The following CFAP74 variants were observed in gnomAD, a reference collection of about 807,000 sequenced individuals.
CFAP74 encodes cilia- and flagella-associated protein 74.
A neutral mutation model predicts 188.9 loss-of-function variants in CFAP74; 124 were observed. The observed-to-expected ratio is 0.66, with a 90% CI of 0.57 to 0.76. The LOEUF is 0.76. CFAP74 is among the 30% of genes least tolerant of loss of function. The pLI is 0.00. For synonymous variants in CFAP74, 956 were observed against 916.7 expected (o/e 1.04, Z -0.77); for missense variants, 2,198 against 2,165.2 (o/e 1.02, Z -0.30).
At chr1:1,976,116 C>G (rs545428956) in intron 6 of CFAP74, among the ~76,000 whole-genome samples, 140 of 152,336 alleles carry the variant, frequency 9.2e-4, no homozygotes, top group African/African-American at 3.2e-3. Context: ...AGCCCTTTTA[C>G]GAGGCACTAA....
In CFAP74 at chr1:1,924,528, G is replaced by C. The variant is rs550467777; in HGVS notation, c.4105-8C>G. 1.9e-6 allele frequency: 3 copies of C among 1,599,764 alleles called. No individual in the cohort carries two copies. The highest frequency in any genetic ancestry group is 2.7e-5 in the African/African-American group (2 of 74,422). ...CAGAGAGTTGTTCTGCAGCTGCAGA[G>C]AGCAGGCCGCGGTCACTGCCCGCCA... On this transcript the variant is annotated splice_polypyrimidine_tract_variant and splice_region_variant and intron_variant, in intron 33 of 38. Transcript: ENST00000682832.
chr1:1,944,564 A>C (rs1288969970), intron 20 of CFAP74, 112 bp from the exon 21 acceptor site: 2 of 1,130,964 alleles, frequency 1.8e-6, no homozygotes, highest in Non-Finnish European at 2.5e-6. Flanking sequence ...TGAGTTTTCT[A>C]ACTCTTTGGG....
rs770666084 is a variant in CFAP74 at position 1,973,070 on chromosome 1, G to A, written c.675-23C>T. On this transcript the variant is annotated intron_variant, in intron 7 of 38. Transcript: ENST00000682832. The surrounding 1 kb of genome is among the most constrained non-coding windows in gnomAD (Gnocchi z 6.2). ...TTCCTGTGGGGATATGGGGCCGTCA[G>A]AGGGAAACTCGGCATCACACGTCCC... is the stretch of plus-strand genomic sequence containing the variant. 5 of 1,569,776 alleles carry A rather than the reference G, an allele frequency of 3.2e-6. No individual in the cohort carries two copies. Among genetic ancestry groups the A allele is most frequent in the Non-Finnish European group, 4.4e-6 (5 of 1,142,420 alleles).
In CFAP74 at chr1:1,923,118, G is replaced by GGA. The variant is rs760387736; in HGVS notation, c.4548_4549dup (p.Pro1517LeufsTer7). On this transcript the variant is annotated frameshift_variant, in exon 37 of 39. Coordinates refer to ENST00000682832, the MANE Select transcript of CFAP74 (RefSeq NM_001304360.2). LOFTEE classifies it high-confidence loss of function. This position sits in a 1 kb window ranked among gnomAD's most constrained non-coding sequence, Gnocchi z 6.3. The stretch of plus-strand genomic sequence containing the variant: ...GATGGGCCTCAGCTCCTCAGCTTCT[G>GGA]GAGAGAGAGGGCCTGGCCGGGAGCT... 6.2e-7 allele frequency: 1 copy of GGA among 1,609,742 alleles called. No homozygotes were observed. Among genetic ancestry groups the GGA allele is most frequent in the Non-Finnish European group, 8.5e-7 (1 of 1,179,046 alleles).
intron 15 of CFAP74, among the ~76,000 whole-genome samples, chr1:1,959,646 C>G (rs1654926674): frequency 6.6e-6 from 1 of 152,168 alleles, no homozygotes; most frequent in African/African-American, 2.4e-5. Flanking sequence ...CGGGTGACCC[C>G]AGGGGAAAGA....
At chr1:1,994,895 G>A (rs889118865) in intron 1 of CFAP74, among the ~76,000 whole-genome samples, 10 of 152,174 alleles carry the variant, frequency 6.6e-5, no homozygotes, top group Admixed American at 2.0e-4. Context: ...GGGAGAAACA[G>A]GAGCAAAGAG....
At chr1:1,934,465 G>T (rs1652679120) in intron 25 of CFAP74, among the ~76,000 whole-genome samples, 1 of 138,576 alleles carries the variant, frequency 7.2e-6, no homozygotes, top group African/African-American at 2.7e-5. Context: ...AGGTACACAG[G>T]TGTGTATGTG....
chr1:1,932,069 A>AAAAAAC (rs1421805927), intron 25 of CFAP74, among the ~76,000 whole-genome samples: 4 of 86,856 alleles, frequency 4.6e-5, no homozygotes, highest in Admixed American at 1.6e-4. Flanking sequence ...CTCGCCTCAA[A>AAAAAAC]AAAAAAAAAA....
intron 33 of CFAP74, 89 bp from the exon 34 acceptor site, chr1:1,924,609 A>G (rs1306012915): frequency 2.8e-6 from 4 of 1,442,426 alleles, no homozygotes; most frequent in Non-Finnish European, 3.7e-6. Context: ...GGCTGGTGCT[A>G]TGAGGCCACA....
intron 28 of CFAP74, 135 bp from the exon 29 acceptor site, chr1:1,927,163 A>C (rs1421236780): frequency 9.5e-7 from 1 of 1,056,178 alleles, no homozygotes; most frequent in Non-Finnish European, 1.3e-6. Flanking sequence ...TGTGTCTGAC[A>C]AACTGGCTTT....
At chr1:1,931,966 T>G (rs60147457) in intron 25 of CFAP74, among the ~76,000 whole-genome samples, 2 of 148,212 alleles carry the variant, frequency 1.3e-5, no homozygotes, top group Non-Finnish European at 3.0e-5. Flanking sequence ...CTCGGGAGGC[T>G]GAGGCAGGAG....
At chr1:1,954,349 G>A (rs1252490820) in intron 18 of CFAP74, 3 of 152,280 alleles carry the variant, frequency 2.0e-5, no homozygotes, top group African/African-American at 7.2e-5. Context: ...GGCCCTTGTG[G>A]AGGAGGACCT....
At chr1:1,994,042 G>A (rs1181543897) in intron 1 of CFAP74, among the ~76,000 whole-genome samples, 1 of 151,926 alleles carries the variant, frequency 6.6e-6, no homozygotes, top group African/African-American at 2.4e-5. Context: ...GTGGGCACCT[G>A]TAGTCCCACC....
intron 18 of CFAP74, among the ~76,000 whole-genome samples, chr1:1,948,923 TC>T (rs376754603): frequency 4.5e-4 from 7 of 15,632 alleles, no homozygotes; most frequent in Non-Finnish European, 8.2e-4. Flanking sequence ...TCCCTTTCCT[TC>T]CTTCCTCTTT....
chr1:1,926,706 C>T lies in CFAP74; in HGVS notation c.3718G>A (p.Val1240Met). ...LWCPTVAPSV[V>M]VTSHKGKTIF... is the part of the protein sequence containing the mutation. The stretch of plus-strand genomic sequence containing the variant: ...GTCTTGCCTTTATGGGACGTCACCA[C>T]AACAGATGGTGCCACCGTCGGGCAC... The change falls in exon 30 of 39, where the codon GTG becomes ATG. Residue 1240 changes from valine (V) to methionine (M), a missense_variant. Val to Met is a conservative substitution (Grantham distance 21, BLOSUM62 1). Transcript: ENST00000682832. 1 of 1,550,146 alleles carries T rather than the reference C, an allele frequency of 6.5e-7. No homozygotes were observed. The highest frequency in any genetic ancestry group is 8.7e-7 in the Non-Finnish European group (1 of 1,146,850).
intron 1 of CFAP74, among the ~76,000 whole-genome samples, chr1:1,993,424 T>C (rs1455003735): frequency 2.0e-5 from 3 of 151,608 alleles, no homozygotes; most frequent in African/African-American, 7.3e-5. Context: ...GAGCTGGGAC[T>C]ACAGGCACGC....
In CFAP74 at chr1:1,968,940, C is replaced by T. The variant is rs1370223671; in HGVS notation, c.1047-107G>A. On this transcript the variant is annotated intron_variant, in intron 10 of 38. Coordinates refer to ENST00000682832, the MANE Select transcript of CFAP74 (RefSeq NM_001304360.2). The surrounding 1 kb of genome is among the most constrained non-coding windows in gnomAD (Gnocchi z 4.3). Reference sequence around the variant, plus strand: ...CTCCCTAGCGCCCTCCTGGGGGCTCCGGTCCTGCCCAGCAGCCCCAGGTGA... The same window carrying T: ...CTCCCTAGCGCCCTCCTGGGGGCTCTGGTCCTGCCCAGCAGCCCCAGGTGA... 8.2e-5 allele frequency: 48 copies of T among 587,790 alleles called. No homozygotes were observed. The highest frequency in any genetic ancestry group is 4.7e-4 in the Middle Eastern group (1 of 2,140). The allele number at this position is 587,790 out of a possible 1,614,324, so 36.4% of individuals were successfully genotyped here. A position where few individuals can be genotyped will look rare whatever the true frequency, so the allele number is the denominator to read the frequency against.
At chr1:1,938,251 T>C (rs960754888) in intron 25 of CFAP74, among the ~76,000 whole-genome samples, 1 of 149,402 alleles carries the variant, frequency 6.7e-6, no homozygotes, top group Non-Finnish European at 1.5e-5. Context: ...ATACAAGCAC[T>C]CACACTCAAC....
intron 3 of CFAP74, 115 bp from the exon 4 acceptor site, chr1:1,988,770 G>A (rs1057189452): frequency 2.2e-5 from 30 of 1,358,176 alleles, no homozygotes; most frequent in Admixed American, 5.9e-5. Flanking sequence ...CGGGAGCTGC[G>A]GGAGCTACAG....
Sources: gnomAD v4.1 joint callset for allele counts (sites outside exome capture counted in the v4.1 genomes callset) on GRCh38, gnomAD v4.1.1 for gene constraint, Gnocchi (gnomAD v3.1) non-coding constraint, MANE v1.5 for transcripts, NCBI Gene and HGNC (gene_info 2026-07-23, HGNC 2026-07-21) for gene names.